SPAG6: variants seen among roughly 807,000 people sequenced by gnomAD.
The protein encoded by SPAG6 is sperm-associated antigen 6.
SPAG6 carries 49 observed loss-of-function variants against 58.5 expected under a neutral mutation model. The observed-to-expected ratio is 0.84, with a 90% CI of 0.67 to 1.06. SPAG6 has a LOEUF of 1.06. Ranked by LOEUF, SPAG6 falls within the 50% of genes least tolerant of loss-of-function variation. The probability of loss-of-function intolerance (pLI) is 0.00; values close to 1 mark genes in which losing one functional copy is unlikely to be tolerated. For synonymous variants in SPAG6, 233 were observed against 225.6 expected, an observed-to-expected ratio of 1.03 and a Z score of -0.29; for missense variants, 560 against 611.3, an observed-to-expected ratio of 0.92 and a Z score of 0.89.
chr10:22,391,690 C>A, intron 7 of SPAG6, 39 bp from the exon 8 acceptor site: 2 of 1,586,510 alleles, frequency 1.3e-6, no homozygotes, highest in Non-Finnish European at 1.7e-6. Flanking sequence ...TAATCCTGCT[C>A]TAGATTCATA....
intron 2 of SPAG6, among the ~76,000 whole-genome samples, chr10:22,357,705 G>C (rs1029733029): frequency 6.6e-6 from 1 of 150,566 alleles, no homozygotes; most frequent in African/African-American, 2.4e-5. Context: ...TTTAGCATTA[G>C]GTATATCTCC....
At chr10:22,410,618 C>T (rs150901676) in intron 9 of SPAG6, among the ~76,000 whole-genome samples, 1 of 152,228 alleles carries the variant, frequency 6.6e-6, no homozygotes, top group East Asian at 1.9e-4. Context: ...ACACAGCATG[C>T]ATGCTGTGAT....
At chr10:22,378,299 G>A (rs1276610225) in intron 4 of SPAG6, among the ~76,000 whole-genome samples, 5 of 151,710 alleles carry the variant, frequency 3.3e-5, no homozygotes, top group African/African-American at 1.2e-4. Flanking sequence ...CCTGACCTTA[G>A]GTGATCTGCC....
At chr10:22,386,715 T>G in intron 4 of SPAG6, 39 bp from the exon 5 acceptor site, 2 of 1,534,106 alleles carry the variant, frequency 1.3e-6, no homozygotes. Context: ...CAAGGGTCAG[T>G]CACCCATACT....
At chr10:22,397,269 G>A (rs1488372067) in intron 8 of SPAG6, among the ~76,000 whole-genome samples, 1 of 152,034 alleles carries the variant, frequency 6.6e-6, no homozygotes, top group African/African-American at 2.4e-5. Context: ...ACAAAGTCAT[G>A]GGATACAAGA....
intron 2 of SPAG6, among the ~76,000 whole-genome samples, chr10:22,353,992 T>A (rs566509002): frequency 1.3e-5 from 2 of 152,188 alleles, no homozygotes; most frequent in African/African-American, 4.8e-5. Flanking sequence ...CTCAGGGTAA[T>A]AGGGCAAGGA....
At chr10:22,380,293 TTTTGTTTGTTTG>T (rs375844648) in intron 4 of SPAG6, among the ~76,000 whole-genome samples, 1 of 151,670 alleles carries the variant, frequency 6.6e-6, no homozygotes, top group Non-Finnish European at 1.5e-5. Flanking sequence ...TAAATGTAGG[TTTTGTTTGTTTG>T]TTTGTTTGTT....
intron 4 of SPAG6, among the ~76,000 whole-genome samples, chr10:22,382,301 C>A (rs1433506003): frequency 6.6e-6 from 1 of 152,148 alleles, no homozygotes; most frequent in Non-Finnish European, 1.5e-5. Flanking sequence ...TAAAAAACAA[C>A]TGATCATCAG....
At chr10:22,378,332 G>C (rs1404868554) in intron 4 of SPAG6, among the ~76,000 whole-genome samples, 2 of 151,628 alleles carry the variant, frequency 1.3e-5, no homozygotes, top group Non-Finnish European at 2.9e-5. Context: ...CCTAAGTTCT[G>C]GGATTACAGG....
chr10:22,409,895 T>C (rs1834686945), intron 9 of SPAG6, among the ~76,000 whole-genome samples: 2 of 152,312 alleles, frequency 1.3e-5, no homozygotes, highest in South Asian at 4.1e-4. Flanking sequence ...GCAACATCTT[T>C]AGCCTTTAGT....
chr10:22,378,830 C>A (rs1833883774), intron 4 of SPAG6, among the ~76,000 whole-genome samples: 1 of 152,092 alleles, frequency 6.6e-6, no homozygotes, highest in Non-Finnish European at 1.5e-5. Context: ...CTGCTTTTTA[C>A]TTGAGTCCTG....
chr10:22,410,885 A>G, intron 9 of SPAG6, 146 bp from the exon 10 acceptor site: 1 of 731,224 alleles, frequency 1.4e-6, no homozygotes, highest in Non-Finnish European at 2.1e-6. Flanking sequence ...TTCACTTCAA[A>G]TTAGCAGCAG....
chr10:22,416,749 A>G lies in SPAG6; in HGVS notation c.*61A>G, dbSNP rs1437498390. On this transcript the variant is annotated 3_prime_UTR_variant, in exon 11 of 11. Coordinates refer to ENST00000376624, the MANE Select transcript of SPAG6 (RefSeq NM_012443.4). ...AGTAGTTTTGAGTAACAGTAATTAA[A>G]TCCTTCTAAATATTTGAACTAAGTA... 5.6e-6 allele frequency: 5 copies of G among 899,642 alleles called. No individual in the cohort carries two copies. The highest frequency in any genetic ancestry group is 2.8e-5 in the South Asian group (2 of 70,972). The allele number at this position is 899,642 out of a possible 1,614,324, so 55.7% of individuals were successfully genotyped here. A position where few individuals can be genotyped will look rare whatever the true frequency, so the allele number is the denominator to read the frequency against.
At chr10:22,371,725 A>T (rs182470144) in intron 4 of SPAG6, among the ~76,000 whole-genome samples, 8 of 152,368 alleles carry the variant, frequency 5.3e-5, no homozygotes, top group Non-Finnish European at 1.0e-4. Context: ...TTTAAGGGCA[A>T]TAGAAGGAAA....
In SPAG6 at chr10:22,345,989, C is replaced by T. The variant is rs1294997949; in HGVS notation, c.121+171C>T. On this transcript the variant is annotated intron_variant, in intron 2 of 10. Coordinates refer to ENST00000376624, the MANE Select transcript of SPAG6 (RefSeq NM_012443.4). The surrounding 1 kb of genome is among the most constrained non-coding windows in gnomAD (Gnocchi z 6.3). Reference sequence around the variant, plus strand: ...TGGGGGTCAGGCCGAGAGGGTGAAGCTTCCAGATGGTTGTGGGAGGTGCGC... The same window carrying T: ...TGGGGGTCAGGCCGAGAGGGTGAAGTTTCCAGATGGTTGTGGGAGGTGCGC... 6.5e-7 allele frequency: 1 copy of T among 1,548,658 alleles called. No individual in the cohort carries two copies. The highest frequency in any genetic ancestry group is 1.4e-5 in the African/African-American group (1 of 72,984).
At position 22,379,104 on chromosome 10, in the gene SPAG6, T is replaced by C. The variant is rs1176742605; in HGVS notation, c.473-7650T>C. On this transcript the variant is annotated intron_variant, in intron 4 of 10. Coordinates refer to ENST00000376624, the MANE Select transcript of SPAG6 (RefSeq NM_012443.4). Reference sequence around the variant, plus strand: ...AGGAAAAATGACATTTGTGTGTGTGTGAGAAATAAAAATCACTCGAGACTT... The same window carrying C: ...AGGAAAAATGACATTTGTGTGTGTGCGAGAAATAAAAATCACTCGAGACTT... Among the ~76,000 whole-genome samples, 4 of 152,326 alleles carry C rather than the reference T, an allele frequency of 2.6e-5. No individual in the cohort carries two copies. The South Asian group carries it at 8.3e-4, about 32-fold the overall frequency.
chr10:22,372,788 T>C (rs1833729295), intron 4 of SPAG6, among the ~76,000 whole-genome samples: 2 of 152,208 alleles, frequency 1.3e-5, no homozygotes, highest in African/African-American at 4.8e-5. Flanking sequence ...AGTGTTTCTT[T>C]GTGGTAAACT....
chr10:22,387,337 A>G (rs1203352744), intron 5 of SPAG6, among the ~76,000 whole-genome samples: 1 of 152,180 alleles, frequency 6.6e-6, no homozygotes, highest in African/African-American at 2.4e-5. Flanking sequence ...CTAAAATCTG[A>G]TTTTTAGTTA....
chr10:22,359,867 A>G (rs1836985824), intron 2 of SPAG6, among the ~76,000 whole-genome samples: 1 of 152,184 alleles, frequency 6.6e-6, no homozygotes, highest in South Asian at 2.1e-4. Flanking sequence ...TTTGTTACAT[A>G]GGTAAACGTT....
Sources: allele counts gnomAD v4.1 joint callset (sites outside exome capture counted in the v4.1 genomes callset), GRCh38; gene constraint gnomAD v4.1.1; non-coding constraint Gnocchi (gnomAD v3.1); transcripts MANE v1.5; gene names NCBI Gene and HGNC (gene_info 2026-07-23, HGNC 2026-07-21).